NRXN1: variants seen among roughly 807,000 people sequenced by gnomAD.
NRXN1 encodes neurexin-1.
Under a neutral mutation model 150.9 loss-of-function variants are expected in NRXN1, and 39 were observed. The ratio of observed to expected loss-of-function variants is 0.26; its 90% CI spans 0.20 to 0.34. NRXN1 has a LOEUF of 0.34. NRXN1 is among the 10% of genes least tolerant of loss of function. The pLI is 1.00. For synonymous variants in NRXN1, 924 were observed against 757.0 expected (o/e 1.22, Z -3.62); for missense variants, 1,815 against 1,949.9 (o/e 0.93, Z 1.30).
intron 16 of NRXN1, among the ~76,000 whole-genome samples, chr2:50,466,045 T>C (rs1257306830): frequency 6.6e-6 from 1 of 151,360 alleles, no homozygotes; most frequent in Admixed American, 6.6e-5. Flanking sequence ...TTATGATTGC[T>C]GGGTGTTTTG....
At chr2:50,039,506 G>T (rs916942128) in intron 21 of NRXN1, among the ~76,000 whole-genome samples, 3 of 152,118 alleles carry the variant, frequency 2.0e-5, no homozygotes, top group Non-Finnish European at 4.4e-5. Flanking sequence ...TGTGCAAAGA[G>T]AGGTAAGGCT....
At chr2:49,977,399 G>A (rs1425335308) in intron 21 of NRXN1, among the ~76,000 whole-genome samples, 1 of 152,110 alleles carries the variant, frequency 6.6e-6, no homozygotes, top group Non-Finnish European at 1.5e-5. Context: ...ATAATGTACA[G>A]GACAGTCCCT....
intron 17 of NRXN1, among the ~76,000 whole-genome samples, chr2:50,452,882 G>A (rs1395762885): frequency 1.3e-5 from 2 of 152,158 alleles, no homozygotes; most frequent in Non-Finnish European, 2.9e-5. Flanking sequence ...CTTGGATTTG[G>A]TCATTCTCCT....
At chr2:50,842,933 G>A (rs778614493) in intron 5 of NRXN1, among the ~76,000 whole-genome samples, 5 of 152,072 alleles carry the variant, frequency 3.3e-5, no homozygotes, top group South Asian at 2.1e-4. Flanking sequence ...GTATACAAAC[G>A]TACTGTTAAA....
At position 50,806,604 on chromosome 2, in the gene NRXN1, A is replaced by G. The variant is rs370094215; in HGVS notation, c.832+115265T>C. On this transcript the variant is annotated intron_variant, in intron 5 of 22. Transcript: ENST00000401669. ...TGAATATCTTTCAGTAATTTCCCTT[A>G]GAGATATGGTCACACTGACCAAGCT... Among the ~76,000 whole-genome samples, 12 of 152,278 alleles carry G rather than the reference A, an allele frequency of 7.9e-5. 1 individual carries two copies. The South Asian group carries it at 2.3e-3, about 29-fold the overall frequency.
chr2:50,982,724 T>G (rs551178107), intron 2 of NRXN1, among the ~76,000 whole-genome samples: 2 of 152,160 alleles, frequency 1.3e-5, no homozygotes, highest in Non-Finnish European at 2.9e-5. Context: ...TATAAAAATA[T>G]AAAAATAATA....
intron 17 of NRXN1, among the ~76,000 whole-genome samples, chr2:50,357,404 G>A (rs1240622056): frequency 6.6e-6 from 1 of 151,846 alleles, no homozygotes; most frequent in Non-Finnish European, 1.5e-5. Context: ...TGCCTCCTGG[G>A]TTCAGACGAT....
chr2:50,348,652 G>C (rs2152999230), intron 17 of NRXN1, among the ~76,000 whole-genome samples: 1 of 152,252 alleles, frequency 6.6e-6, no homozygotes, highest in African/African-American at 2.4e-5. Context: ...TGAAAGCTGT[G>C]TGTCCTAGAT....
At chr2:50,354,816 T>G (rs998260173) in intron 17 of NRXN1, among the ~76,000 whole-genome samples, 7 of 151,850 alleles carry the variant, frequency 4.6e-5, no homozygotes, top group African/African-American at 1.7e-4. Context: ...CAGCATCAGC[T>G]AGAGAAAAGA....
At chr2:50,320,315 T>C (rs1323839302) in intron 17 of NRXN1, among the ~76,000 whole-genome samples, 4 of 132,792 alleles carry the variant, frequency 3.0e-5, no homozygotes, top group South Asian at 4.9e-4. Flanking sequence ...TATATATATA[T>C]ATATATATAT....
At chr2:50,673,439 A>AT (rs1244522122) in intron 5 of NRXN1, among the ~76,000 whole-genome samples, 2 of 152,202 alleles carry the variant, frequency 1.3e-5, no homozygotes, top group South Asian at 4.1e-4. Flanking sequence ...AAATTGCTTA[A>AT]TTTTTTCCTT....
rs77828938 is a variant in NRXN1, at chr2:50,936,848, A to G, written c.773-10893T>C. Among the ~76,000 whole-genome samples the G allele has an allele frequency of 1.9e-3, 284 of 152,264 alleles. 6 individuals carry two copies. The East Asian group carries it at 0.05, about 27-fold the overall frequency. ...ACTTGAAAGTTTGTAAACATGTATG[A>G]AAACGTGGGTAGTGTGATAATTTTT... On this transcript the variant is annotated intron_variant, in intron 2 of 22. Coordinates refer to ENST00000401669, the MANE Select transcript of NRXN1 (RefSeq NM_001330078.2).
At chr2:50,085,092 G>C (rs1375124686) in intron 19 of NRXN1, among the ~76,000 whole-genome samples, 2 of 152,084 alleles carry the variant, frequency 1.3e-5, no homozygotes, top group African/African-American at 2.4e-5. Context: ...CTCAGAGTAA[G>C]ATTTATTACA....
At chr2:50,479,618 T>G (rs890052728) in intron 15 of NRXN1, among the ~76,000 whole-genome samples, 42 of 110,858 alleles carry the variant, frequency 3.8e-4, no homozygotes, top group Non-Finnish European at 1.4e-4. Flanking sequence ...GAATTAGTAG[T>G]TCACATTCAA....
At chr2:50,070,067 A>G (rs13401630) in intron 19 of NRXN1, among the ~76,000 whole-genome samples, 103,728 of 151,540 alleles carry the variant, frequency 0.68, 36,317 homozygotes, top group African/African-American at 0.83. Flanking sequence ...AGCCAGGGTG[A>G]TTTCGATCTC....
chr2:50,355,730 T>C (rs929211751), intron 17 of NRXN1, among the ~76,000 whole-genome samples: 7 of 152,158 alleles, frequency 4.6e-5, no homozygotes, highest in African/African-American at 1.7e-4. Context: ...TTCTCAAGTG[T>C]AGAATATTAC....
intron 18 of NRXN1, among the ~76,000 whole-genome samples, chr2:50,232,172 C>A (rs2065001934): frequency 6.6e-6 from 1 of 151,884 alleles, no homozygotes; most frequent in African/African-American, 2.4e-5. Flanking sequence ...TATAAGTTAA[C>A]TGGATCTCAG....
rs1357544755 is a variant in NRXN1 at position 50,927,388 on chromosome 2, A to G, written c.773-1433T>C. On this transcript the variant is annotated intron_variant, in intron 2 of 22. Transcript: ENST00000401669. ...ATGTGGGTAATAACATCTTTACACA[A>G]TACTTGGTTTTCCAGAGTTTATTTT... is the stretch of plus-strand genomic sequence containing the variant. Among the ~76,000 whole-genome samples the G allele has an allele frequency of 2.0e-5, 3 of 152,146 alleles. No individual in the cohort carries two copies. In the South Asian group the frequency reaches 6.2e-4, roughly 32 times the overall value.
intron 5 of NRXN1, among the ~76,000 whole-genome samples, chr2:50,882,777 A>C (rs956635401): frequency 3.3e-5 from 5 of 151,854 alleles, no homozygotes; most frequent in African/African-American, 1.2e-4. Flanking sequence ...TACCTTTAAT[A>C]ATATTTTGTT....
Sources: allele counts gnomAD v4.1 joint callset (sites outside exome capture counted in the v4.1 genomes callset), GRCh38; gene constraint gnomAD v4.1.1; transcripts MANE v1.5; gene names NCBI Gene and HGNC (gene_info 2026-07-23, HGNC 2026-07-21).